The following STAU2 variants were observed in gnomAD, a reference collection of about 807,000 sequenced individuals.
STAU2 encodes the protein double-stranded RNA-binding protein Staufen homolog 2.
In STAU2, 20 loss-of-function variants were observed where a neutral mutation model predicts 65.9. The observed-to-expected ratio is 0.30, with a 90% CI of 0.21 to 0.44. The LOEUF (loss-of-function observed/expected upper bound fraction) is 0.44, where lower values mean the gene tolerates loss of function less well. Among genes scored for constraint, STAU2 ranks in the 20% least tolerant of loss-of-function variants. The pLI, the probability that STAU2 is intolerant of heterozygous loss-of-function variation, is 1.00. For missense variants in STAU2, 558 were observed against 683.9 expected, an observed-to-expected ratio of 0.82 and a Z score of 2.05; for synonymous variants, 232 against 233.9, an observed-to-expected ratio of 0.99 and a Z score of 0.07.
Position 73,634,265 on chromosome 8 carries a change from A to T in STAU2, c.411-16814T>A, listed in dbSNP as rs59362550. ...CAAAACGGTTTTTATTTATTTATTT[A>T]TTTATTTTTTGCTCAAAACCTGCGT... On this transcript the variant is annotated intron_variant, in intron 6 of 14. Coordinates refer to ENST00000524300, the MANE Select transcript of STAU2 (RefSeq NM_001164380.2). Among the ~76,000 whole-genome samples, 1,242 of 151,932 alleles carry T rather than the reference A, an allele frequency of 8.2e-3. 19 individuals are homozygous for T. Among genetic ancestry groups the T allele is most frequent in the African/African-American group, 0.028 (1,144 of 41,394 alleles).
intron 13 of STAU2, among the ~76,000 whole-genome samples, chr8:73,454,376 A>C (rs1818954923): frequency 6.6e-6 from 1 of 152,210 alleles, no homozygotes; most frequent in African/African-American, 2.4e-5. Flanking sequence ...TTGCAGCTGT[A>C]ACCTAATTTT....
chr8:73,513,944 G>A (rs1268392004), intron 13 of STAU2, among the ~76,000 whole-genome samples: 2 of 152,126 alleles, frequency 1.3e-5, no homozygotes, highest in African/African-American at 4.8e-5. Flanking sequence ...ATCCTAATTA[G>A]CTTACTTGGA....
At chr8:73,692,832 C>A (rs917459026) in intron 4 of STAU2, among the ~76,000 whole-genome samples, 1 of 152,108 alleles carries the variant, frequency 6.6e-6, no homozygotes, top group South Asian at 2.1e-4. Flanking sequence ...AATTCGCTGG[C>A]GTGGAAAAAA....
intron 12 of STAU2, among the ~76,000 whole-genome samples, chr8:73,556,071 AGTT>A (rs1004939270): frequency 8.5e-5 from 13 of 152,202 alleles, no homozygotes; most frequent in Non-Finnish European, 1.5e-4. Context: ...TGCACTTTTT[AGTT>A]GTTGTTTACT....
chr8:73,573,948 A>G (rs1309469098), intron 12 of STAU2, among the ~76,000 whole-genome samples: 1 of 152,190 alleles, frequency 6.6e-6, no homozygotes, highest in Non-Finnish European at 1.5e-5. Flanking sequence ...AAAAGAAACT[A>G]CCATCAGAGT....
chr8:73,719,697 A>T (rs1821504546), intron 3 of STAU2, among the ~76,000 whole-genome samples: 1 of 152,228 alleles, frequency 6.6e-6, no homozygotes, highest in Admixed American at 6.5e-5. Flanking sequence ...TCCTTTTAAT[A>T]AACTGTTGAA....
upstream of STAU2, chr8:73,747,226 G>T (rs938916080): frequency 3.7e-6 from 3 of 805,106 alleles, no homozygotes; most frequent in Non-Finnish European, 3.7e-6. Flanking sequence ...CGCCCGGTCC[G>T]CAGTCTCCTC....
At chr8:73,514,759 A>G (rs1263244626) in intron 13 of STAU2, among the ~76,000 whole-genome samples, 1 of 152,120 alleles carries the variant, frequency 6.6e-6, no homozygotes, top group Non-Finnish European at 1.5e-5. Context: ...TTGTTTCTGT[A>G]TATGTTTTAT....
At chr8:73,677,385 A>G (rs1281840455) in intron 5 of STAU2, among the ~76,000 whole-genome samples, 5 of 152,230 alleles carry the variant, frequency 3.3e-5, no homozygotes, top group Non-Finnish European at 7.3e-5. Flanking sequence ...GCATTTTAAG[A>G]ATACTGTTCA....
intron 11 of STAU2, among the ~76,000 whole-genome samples, chr8:73,586,123 T>TCTGGAAG (rs756354075): frequency 2.7e-3 from 413 of 152,202 alleles, no homozygotes; most frequent in Non-Finnish European, 4.5e-3. Context: ...CAGCAGGAGG[T>TCTGGAAG]AAGTCAAAGT....
At chr8:73,718,696 AT>A (rs1821429539) in intron 3 of STAU2, among the ~76,000 whole-genome samples, 1 of 152,246 alleles carries the variant, frequency 6.6e-6, no homozygotes. Context: ...ACTGTATCTT[AT>A]TCAGGTATCC....
intron 13 of STAU2, among the ~76,000 whole-genome samples, chr8:73,494,023 G>A (rs6980652): frequency 0.42 from 63,899 of 151,642 alleles, 14,501 homozygotes; most frequent in Non-Finnish European, 0.5. Context: ...TTTGAGGGTC[G>A]TGTGGGCTGA....
intron 13 of STAU2, among the ~76,000 whole-genome samples, chr8:73,458,134 C>T (rs1299359303): frequency 6.6e-6 from 1 of 152,220 alleles, no homozygotes; most frequent in Non-Finnish European, 1.5e-5. Flanking sequence ...TTTAAAATTT[C>T]CTTCCCAGGA....
chr8:73,584,214 T>C (rs906698563), intron 11 of STAU2, among the ~76,000 whole-genome samples: 2 of 152,150 alleles, frequency 1.3e-5, no homozygotes, highest in African/African-American at 4.8e-5. Flanking sequence ...TCTCTCTAAT[T>C]AGCTCTTTTA....
At chr8:73,621,445 A>G (rs932919363) in intron 6 of STAU2, among the ~76,000 whole-genome samples, 2 of 152,196 alleles carry the variant, frequency 1.3e-5, no homozygotes, top group African/African-American at 4.8e-5. Flanking sequence ...TCACAGCAAC[A>G]TGAGATCAGA....
At chr8:73,472,567 A>G (rs1187476071) in intron 13 of STAU2, among the ~76,000 whole-genome samples, 1 of 152,254 alleles carries the variant, frequency 6.6e-6, no homozygotes, top group African/African-American at 2.4e-5. Flanking sequence ...TACCAGCTTT[A>G]CAAAAGAATT....
intron 13 of STAU2, among the ~76,000 whole-genome samples, chr8:73,505,046 C>T (rs1387419552): frequency 6.6e-6 from 1 of 151,976 alleles, no homozygotes; most frequent in African/African-American, 2.4e-5. Context: ...ATCTTTATCC[C>T]TAATTTCTCA....
intron 9 of STAU2, among the ~76,000 whole-genome samples, chr8:73,607,231 T>C (rs898532258): frequency 6.6e-6 from 1 of 152,030 alleles, no homozygotes. Context: ...AGGTAGGAAA[T>C]GGTCATACAA....
intron 13 of STAU2, among the ~76,000 whole-genome samples, chr8:73,443,287 A>G (rs1455411012): frequency 6.6e-6 from 1 of 152,210 alleles, no homozygotes; most frequent in Non-Finnish European, 1.5e-5. Context: ...AATTTGCTGG[A>G]AGTCGGAGGG....
Sources: gnomAD v4.1 joint callset for allele counts (sites outside exome capture counted in the v4.1 genomes callset) on GRCh38, gnomAD v4.1.1 for gene constraint, MANE v1.5 for transcripts, NCBI Gene and HGNC (gene_info 2026-07-23, HGNC 2026-07-21) for gene names.